CTSS: variants seen among roughly 807,000 people sequenced by gnomAD.
CTSS encodes the protein cathepsin S.
In CTSS, 15 loss-of-function variants were observed where a neutral mutation model predicts 39.9. The ratio of observed to expected loss-of-function variants is 0.38; its 90% CI spans 0.25 to 0.58. CTSS has a LOEUF of 0.58. CTSS is among the 20% of genes least tolerant of loss of function. The probability of loss-of-function intolerance (pLI) is 0.70; values close to 1 mark genes in which losing one functional copy is unlikely to be tolerated. For synonymous variants in CTSS, 126 were observed against 138.2 expected, an observed-to-expected ratio of 0.91 and a Z score of 0.62; for missense variants, 250 against 398.2, an observed-to-expected ratio of 0.63 and a Z score of 3.17.
chr1:150,737,984 G>T lies in CTSS; in HGVS notation c.897-4839C>A, dbSNP rs146959205. ...GAGCTGAGTGAGAGAGGGGAGAGTA[G>T]TTGGAGAGGTAGTTGGAGAGGCAGG... On this transcript the variant is annotated intron_variant, in intron 7 of 7. Transcript: ENST00000368985. Among the ~76,000 whole-genome samples the T allele has an allele frequency of 4.4e-4, 67 of 152,304 alleles. No individual in the cohort carries two copies. In the East Asian group the frequency reaches 0.013, roughly 29 times the overall value.
At chr1:150,755,690 AG>A (rs1653108871) in intron 3 of CTSS, among the ~76,000 whole-genome samples, 1 of 152,058 alleles carries the variant, frequency 6.6e-6, no homozygotes, top group African/African-American at 2.4e-5. Flanking sequence ...CAGTGAGCTG[AG>A]ATCGCGCCAG....
intron 6 of CTSS, 89 bp from the exon 7 acceptor site, chr1:150,747,968 C>A (rs1300183228): frequency 1.3e-5 from 11 of 846,852 alleles, no homozygotes; most frequent in East Asian, 2.6e-5. Flanking sequence ...TATTAGCCTG[C>A]TTTGGATACA....
At position 150,755,131 on chromosome 1, in the gene CTSS, G is replaced by T; in HGVS notation, c.269C>A (p.Ser90Tyr). Residue 90 changes from serine to tyrosine, a missense_variant, in exon 4 of 8, where the codon TCT (serine) becomes TAT (tyrosine). By Grantham distance (144) the Ser-to-Tyr change is moderately radical. Transcript: ENST00000368985. ...LGDMTSEEVM[S>Y]LMSSLRVPSQ... Reference sequence around the variant, plus strand: ...GGGAACTCTCAGGGAACTCATCAAAGACATCACTTCTTCACTGGTCTACAA... The same window carrying T: ...GGGAACTCTCAGGGAACTCATCAAATACATCACTTCTTCACTGGTCTACAA... The T allele has an allele frequency of 1.2e-6, 2 of 1,614,132 alleles. No individual in the cohort carries two copies. The highest frequency in any genetic ancestry group is 1.7e-6 in the Non-Finnish European group (2 of 1,179,992).
At chr1:150,761,702 GCCT>G (rs1653267419) in intron 2 of CTSS, among the ~76,000 whole-genome samples, 1 of 152,016 alleles carries the variant, frequency 6.6e-6, no homozygotes, top group African/African-American at 2.4e-5. Context: ...CTGCACCCCA[GCCT>G]GGGCAACAAG....
intron 2 of CTSS, among the ~76,000 whole-genome samples, chr1:150,759,840 T>C (rs1653215993): frequency 6.6e-6 from 1 of 152,106 alleles, no homozygotes; most frequent in African/African-American, 2.4e-5. Context: ...CCTCATTTCA[T>C]TGAGCGGGTG....
chr1:150,730,728 G>A lies in CTSS; in HGVS notation c.*2318C>T, dbSNP rs1652501031. ...ATTCTGAACATAGTTCATAAACCAC[G>A]GTAATATTAGCAATACTTCATCATC... is the stretch of plus-strand genomic sequence containing the variant. On this transcript the variant is annotated 3_prime_UTR_variant, in exon 8 of 8. Transcript: ENST00000368985. 1 of 151,982 alleles carries A rather than the reference G, an allele frequency of 6.6e-6. No individual in the cohort carries two copies. 9.4% of individuals were successfully genotyped at this position (151,982 alleles called of 1,614,324 possible).
chr1:150,743,527 ATATATT>A (rs1454541974), intron 7 of CTSS, among the ~76,000 whole-genome samples: 1 of 139,682 alleles, frequency 7.2e-6, no homozygotes, highest in Non-Finnish European at 1.5e-5. Flanking sequence ...ATATTTATAA[ATATATT>A]TATATTTATA....
intron 2 of CTSS, among the ~76,000 whole-genome samples, chr1:150,758,842 G>A (rs1404418720): frequency 1.4e-5 from 2 of 147,840 alleles, no homozygotes; most frequent in Non-Finnish European, 3.0e-5. Context: ...AAGCCACCGC[G>A]CCCAGCATTT....
In CTSS at chr1:150,757,986, A is replaced by C. The variant is rs1653169224; in HGVS notation, c.127-6T>G. The C allele has an allele frequency of 4.3e-6, 7 of 1,612,870 alleles. No homozygotes were observed. Among genetic ancestry groups the C allele is most frequent in the Non-Finnish European group, 5.9e-6 (7 of 1,179,482 alleles). On this transcript the variant is annotated splice_polypyrimidine_tract_variant and splice_region_variant and intron_variant, in intron 2 of 7. Transcript: ENST00000368985. ...CGTCGTACTGCTTCTTCATTCTAAA[A>C]CATAATGAAGAAGAACATAGTCATA...
chr1:150,760,989 A>G (rs1653244773), intron 2 of CTSS, among the ~76,000 whole-genome samples: 1 of 151,242 alleles, frequency 6.6e-6, no homozygotes, highest in Non-Finnish European at 1.5e-5. Context: ...GACCAGCCTG[A>G]CCAACATGGT....
rs367578308 is a variant in CTSS, at chr1:150,760,974, T to C, written c.127-2994A>G. Among the ~76,000 whole-genome samples, 5 of 150,698 alleles carry C rather than the reference T, an allele frequency of 3.3e-5. No homozygotes were observed. In the East Asian group the frequency reaches 9.8e-4, roughly 29 times the overall value. ...GATGGGTTGATCATGAGGTCAGAAG[T>C]TCGAGACCAGCCTGACCAACATGGT... On this transcript the variant is annotated intron_variant, in intron 2 of 7. Coordinates refer to ENST00000368985, the MANE Select transcript of CTSS (RefSeq NM_004079.5).
At chr1:150,757,267 A>G (rs587745459) in intron 3 of CTSS, among the ~76,000 whole-genome samples, 2 of 152,296 alleles carry the variant, frequency 1.3e-5, no homozygotes, top group South Asian at 4.1e-4. Flanking sequence ...TTTTGTTTCA[A>G]AGCAAGGCAG....
chr1:150,764,717 G>C lies in CTSS; in HGVS notation c.47C>G (p.Ala16Gly). ...CVLLVCSSAV[A>G]QLHKDPTLDH... Reference sequence around the variant, plus strand: ...CAGGGTAGGATCTTTATGCAACTGTGCCACTGCAGAGGAGCACACCAAGAG... The same window carrying C: ...CAGGGTAGGATCTTTATGCAACTGTCCCACTGCAGAGGAGCACACCAAGAG... Residue 16 changes from alanine (A) to glycine (G), a missense_variant, in exon 2 of 8, where the codon GCA becomes GGA. Physicochemically the swap from Ala to Gly is moderately conservative, Grantham distance 60. Transcript: ENST00000368985. 1.2e-6 allele frequency: 2 copies of C among 1,614,072 alleles called. No homozygotes were observed. Among genetic ancestry groups the C allele is most frequent in the Admixed American group, 1.7e-5 (1 of 59,998 alleles).
rs879260826 is a variant in CTSS at position 150,732,271 on chromosome 1, A to G, written c.*775T>C. ...GTCCTTAGGACATTTATAGCCTAAT[A>G]TTTTCTTCCATCAAAGTTGCTAAAC... On this transcript the variant is annotated 3_prime_UTR_variant, in exon 8 of 8. Coordinates refer to ENST00000368985, the MANE Select transcript of CTSS (RefSeq NM_004079.5). 6.6e-6 allele frequency: 1 copy of G among 152,130 alleles called. No homozygotes were observed. The highest frequency in any genetic ancestry group is 6.5e-5 in the Admixed American group (1 of 15,280). 9.4% of individuals were successfully genotyped at this position (152,130 alleles called of 1,614,324 possible).
intron 3 of CTSS, among the ~76,000 whole-genome samples, chr1:150,756,944 G>A (rs1291076916): frequency 6.6e-6 from 1 of 152,052 alleles, no homozygotes; most frequent in Non-Finnish European, 1.5e-5. Flanking sequence ...TCAAACTCCC[G>A]ACCTCAGGTG....
intron 5 of CTSS, 21 bp downstream of exon 5, chr1:150,751,760 A>G: frequency 6.2e-7 from 1 of 1,611,144 alleles, no homozygotes; most frequent in Non-Finnish European, 8.5e-7. Flanking sequence ...GGGCAGCACA[A>G]AAAGTTTGCT....
At chr1:150,752,936 C>T (rs1200852654) in intron 4 of CTSS, among the ~76,000 whole-genome samples, 1 of 152,132 alleles carries the variant, frequency 6.6e-6, no homozygotes, top group African/African-American at 2.4e-5. Flanking sequence ...TCACTGTAGC[C>T]TCAACCTCCC....
At position 150,751,793 on chromosome 1, in the gene CTSS, G is replaced by C; in HGVS notation, c.615C>G (p.Pro205=). The C allele has an allele frequency of 1.9e-6, 3 of 1,614,124 alleles. 1 individual carries two copies. The highest frequency in any genetic ancestry group is 2.5e-6 in the Non-Finnish European group (3 of 1,179,972). The stretch of plus-strand genomic sequence containing the variant: ...GCTTAAGACGCACCATGGCTTTGTA[G>C]GGATAGGAAGCGTCTGAGTCGATGC... ...NKGIDSDASY[P]YKAMDQKCQY... Residue 205 remains proline, a synonymous_variant, in exon 5 of 8, where the codon CCC becomes CCG. Coordinates refer to ENST00000368985, the MANE Select transcript of CTSS (RefSeq NM_004079.5).
chr1:150,750,233 C>A, intron 5 of CTSS, 62 bp from the exon 6 acceptor site: 1 of 1,319,934 alleles, frequency 7.6e-7, no homozygotes. Flanking sequence ...TCACCTGTAT[C>A]CTAAGCCTGG....
Sources: gnomAD v4.1 joint callset for allele counts (sites outside exome capture counted in the v4.1 genomes callset) on GRCh38, gnomAD v4.1.1 for gene constraint, MANE v1.5 for transcripts, NCBI Gene and HGNC (gene_info 2026-07-23, HGNC 2026-07-21) for gene names.